PMFBP1: variants seen among roughly 807,000 people sequenced by gnomAD.
The protein encoded by PMFBP1 is polyamine-modulated factor 1-binding protein 1.
A neutral mutation model predicts 137.8 loss-of-function variants in PMFBP1; 131 were observed. That is an observed-to-expected ratio of 0.95 (90% CI 0.82 to 1.10). PMFBP1 has a LOEUF of 1.10. Ranked by LOEUF, PMFBP1 falls within the 50% of genes least tolerant of loss-of-function variation. The pLI is 0.00. For synonymous variants in PMFBP1, 490 were observed against 450.4 expected, an observed-to-expected ratio of 1.09 and a Z score of -1.11; for missense variants, 1,199 against 1,175.4, an observed-to-expected ratio of 1.02 and a Z score of -0.29.
At position 72,164,832 on chromosome 16, in the gene PMFBP1, A is replaced by G; in HGVS notation, c.97T>C (p.Cys33Arg). Reference sequence around the variant, plus strand: ...TGCAAGGTCTTCCTCTGTCTCTTGCAGACATCGTGCAGATTCTTGATGTCA... The same window carrying G: ...TGCAAGGTCTTCCTCTGTCTCTTGCGGACATCGTGCAGATTCTTGATGTCA... ...QLDIKNLHDV[C>R]KRQRKTLQDN... The change falls in exon 3 of 21, where the codon TGC (cysteine) becomes CGC (arginine). Residue 33 changes from cysteine (C) to arginine (R), a missense_variant. Cys to Arg is a radical substitution (Grantham distance 180). Transcript: ENST00000237353. The G allele has an allele frequency of 6.2e-7, 1 of 1,610,398 alleles. No homozygotes were observed. Among genetic ancestry groups the G allele is most frequent in the Non-Finnish European group, 8.5e-7 (1 of 1,176,868 alleles).
chr16:72,118,230 G>C (rs1035764200), downstream of PMFBP1, among the ~76,000 whole-genome samples: 2 of 152,124 alleles, frequency 1.3e-5, no homozygotes, highest in African/African-American at 4.8e-5. Context: ...TTCAATCTTT[G>C]TTTTCTCTAG....
the PMFBP1 span, among the ~76,000 whole-genome samples, chr16:72,203,681 C>A: frequency 9.5e-4 from 145 of 152,216 alleles, 2 homozygotes; most frequent in Middle Eastern, 6.8e-3. Flanking sequence ...TGATCACCAA[C>A]GAGGCAGCAG....
intron 3 of PMFBP1, among the ~76,000 whole-genome samples, chr16:72,159,858 CTTT>C (rs2043036447): frequency 6.7e-6 from 1 of 148,348 alleles, no homozygotes; most frequent in Non-Finnish European, 1.5e-5. Context: ...TAAGAGTCTT[CTTT>C]GACTTTTAAA....
At chr16:72,157,088 T>A (rs1289645474) in intron 3 of PMFBP1, among the ~76,000 whole-genome samples, 8 of 142,328 alleles carry the variant, frequency 5.6e-5, no homozygotes, top group South Asian at 2.2e-4. Context: ...ACTCAGGAGG[T>A]TGAGGCAGGA....
At chr16:72,152,454 GT>G in intron 4 of PMFBP1, among the ~76,000 whole-genome samples, 1 of 152,180 alleles carries the variant, frequency 6.6e-6, no homozygotes. Flanking sequence ...AAGTGAAGGT[GT>G]TGTGGCTTCC....
the PMFBP1 span, among the ~76,000 whole-genome samples, chr16:72,227,091 G>GAAA: frequency 6.9e-6 from 1 of 145,316 alleles, no homozygotes; most frequent in Non-Finnish European, 1.5e-5. Flanking sequence ...TTCATTTGTA[G>GAAA]AAAAAAAAAA....
At chr16:72,191,867 T>C in the PMFBP1 span, among the ~76,000 whole-genome samples, 2 of 152,196 alleles carry the variant, frequency 1.3e-5, no homozygotes, top group East Asian at 1.9e-4. Context: ...TTTGGGGACA[T>C]GAGAACCCGA....
chr16:72,218,166 G>C, the PMFBP1 span, among the ~76,000 whole-genome samples: 2 of 152,056 alleles, frequency 1.3e-5, no homozygotes, highest in South Asian at 2.1e-4. Context: ...TTTTCTCAGG[G>C]AACCTTCTGA....
At chr16:72,181,020 C>T (rs945025225), upstream of PMFBP1, among the ~76,000 whole-genome samples, 4 of 152,090 alleles carry the variant, frequency 2.6e-5, no homozygotes, top group South Asian at 2.1e-4. Flanking sequence ...GCGGGCAGAT[C>T]ACGAGGTCAA....
At chr16:72,195,949 T>A in the PMFBP1 span, among the ~76,000 whole-genome samples, 1 of 150,870 alleles carries the variant, frequency 6.6e-6, no homozygotes, top group Admixed American at 6.6e-5. Context: ...GTAAGTGTGT[T>A]AAATCTCTCT....
chr16:72,199,243 A>G, the PMFBP1 span, among the ~76,000 whole-genome samples: 1 of 152,148 alleles, frequency 6.6e-6, no homozygotes, highest in South Asian at 2.1e-4. Flanking sequence ...CTAGCCTTTC[A>G]GTGACCTCCC....
intron 9 of PMFBP1, among the ~76,000 whole-genome samples, chr16:72,135,140 T>C (rs2042604585): frequency 6.6e-6 from 1 of 152,188 alleles, no homozygotes; most frequent in Admixed American, 6.5e-5. Context: ...CAGGAGGTTT[T>C]CATGACCAGC....
intron 19 of PMFBP1, among the ~76,000 whole-genome samples, chr16:72,121,792 G>T (rs1331881269): frequency 1.3e-5 from 2 of 152,088 alleles, no homozygotes; most frequent in Non-Finnish European, 2.9e-5. Flanking sequence ...GCCTGGTTAG[G>T]CTCATTTTTA....
At chr16:72,124,534 C>A (rs1225551456) in intron 17 of PMFBP1, among the ~76,000 whole-genome samples, 1 of 152,228 alleles carries the variant, frequency 6.6e-6, no homozygotes, top group East Asian at 1.9e-4. Flanking sequence ...ACCTGACAGT[C>A]TCTTCTCTAG....
At chr16:72,126,295 G>T (rs181138738) in intron 14 of PMFBP1, among the ~76,000 whole-genome samples, 163 bp from the exon 15 acceptor site, 1 of 152,356 alleles carries the variant, frequency 6.6e-6, no homozygotes, top group Admixed American at 6.5e-5. Context: ...GTAAAAGGTA[G>T]AGCTGTCTTT....
chr16:72,133,092 C>T, intron 9 of PMFBP1, 101 bp from the exon 10 acceptor site: 1 of 1,446,880 alleles, frequency 6.9e-7, no homozygotes. Context: ...CTGGCATCCC[C>T]TGCCTGGACA....
upstream of PMFBP1, among the ~76,000 whole-genome samples, chr16:72,179,892 C>A (rs964274438): frequency 1.3e-5 from 2 of 152,200 alleles, no homozygotes; most frequent in African/African-American, 2.4e-5. Context: ...CTCCTGTATT[C>A]TTTGAACATC....
chr16:72,211,183 T>C, the PMFBP1 span, among the ~76,000 whole-genome samples: 2 of 152,178 alleles, frequency 1.3e-5, no homozygotes, highest in Non-Finnish European at 1.5e-5. Flanking sequence ...AAACTAGACT[T>C]GGAGCTTGGG....
At chr16:72,240,039 G>C in the PMFBP1 span, among the ~76,000 whole-genome samples, 1 of 152,142 alleles carries the variant, frequency 6.6e-6, no homozygotes, top group Non-Finnish European at 1.5e-5. Flanking sequence ...TTAAGCACCA[G>C]GGAAATATTT....
Sources: allele counts gnomAD v4.1 joint callset (sites outside exome capture counted in the v4.1 genomes callset), GRCh38; gene constraint gnomAD v4.1.1; transcripts MANE v1.5; gene names NCBI Gene and HGNC (gene_info 2026-07-23, HGNC 2026-07-21).